GCNT2: variants seen among roughly 807,000 people sequenced by gnomAD.
GCNT2 encodes glucosaminyl (N-acetyl) transferase 2 (I blood group).
A neutral mutation model predicts 34.2 loss-of-function variants in GCNT2; 34 were observed. The observed-to-expected ratio is 1.00, with a 90% CI of 0.76 to 1.32. The LOEUF (loss-of-function observed/expected upper bound fraction) is 1.32. GCNT2 is among the 40% of genes most tolerant of loss of function. GCNT2 has a pLI of 0.00. For missense variants in GCNT2, 584 were observed against 489.4 expected (o/e 1.19, Z -1.82); for synonymous variants, 212 against 188.0 (o/e 1.13, Z -1.04).
chr6:10,597,360 G>A (rs1010438030), intron 3 of GCNT2, among the ~76,000 whole-genome samples: 3 of 151,642 alleles, frequency 2.0e-5, no homozygotes, highest in South Asian at 2.1e-4. Context: ...TTGCCATGTT[G>A]CCCAGGCTGG....
chr6:10,550,552 A>AC (rs946502402), intron 3 of GCNT2, among the ~76,000 whole-genome samples: 2 of 152,120 alleles, frequency 1.3e-5, no homozygotes, highest in Admixed American at 1.3e-4. Flanking sequence ...GTGCAGTGGC[A>AC]CCATCATGGC....
At chr6:10,565,587 A>G (rs899071468) in intron 3 of GCNT2, among the ~76,000 whole-genome samples, 3 of 152,140 alleles carry the variant, frequency 2.0e-5, no homozygotes, top group East Asian at 1.9e-4. Flanking sequence ...ATCTCCAGCA[A>G]GGCTTTGTTT....
chr6:10,562,372 G>A (rs1350511092), intron 3 of GCNT2, among the ~76,000 whole-genome samples: 1 of 152,084 alleles, frequency 6.6e-6, no homozygotes, highest in Non-Finnish European at 1.5e-5. Flanking sequence ...TTTTTCCTGA[G>A]AGTTCCAGCG....
Position 10,623,481 on chromosome 6 carries a change from G to A in GCNT2, c.1018+2038G>A, listed in dbSNP as rs904385776. Among the ~76,000 whole-genome samples, 12 of 151,938 alleles carry A rather than the reference G, an allele frequency of 7.9e-5. No homozygotes were observed. In the South Asian group the frequency reaches 1.9e-3, roughly 24 times the overall value. On this transcript the variant is annotated intron_variant, in intron 4 of 4. Transcript: ENST00000495262. ...TAATTTTTGTATTTTTAGTAGAGACGGGGTTTCACCATGTTGGCCAGACTG... is the reference window on the plus strand; with the variant it reads ...TAATTTTTGTATTTTTAGTAGAGACAGGGTTTCACCATGTTGGCCAGACTG...
rs869274003 is a variant in GCNT2, at chr6:10,533,800, C to CA, written c.925+3990dup. Among the ~76,000 whole-genome samples the CA allele has an allele frequency of 8.8e-3, 380 of 43,330 alleles. 22 individuals are homozygous for CA. The highest frequency in any genetic ancestry group is 0.028 in the Admixed American group (86 of 3,058). The allele number at this position is 43,330 out of a possible 152,430, so 28.4% of individuals were successfully genotyped here. A position where few individuals can be genotyped will look rare whatever the true frequency, so the allele number is the denominator to read the frequency against. The stretch of plus-strand genomic sequence containing the variant: ...TGGGTGACAGAGCAAGACTCTGTCT[C>CA]AAAAAAAAAAAAAAAAAAAAAAAAA... On this transcript the variant is annotated intron_variant, in intron 3 of 4. Transcript: ENST00000495262.
intron 3 of GCNT2, among the ~76,000 whole-genome samples, chr6:10,593,870 A>G (rs1490755551): frequency 6.6e-6 from 1 of 152,216 alleles, no homozygotes; most frequent in African/African-American, 2.4e-5. Context: ...TTGAGCCCAC[A>G]TGCTATCAGG....
chr6:10,589,306 GGTGT>G (rs892827349), intron 3 of GCNT2, among the ~76,000 whole-genome samples: 1 of 148,048 alleles, frequency 6.8e-6, no homozygotes, highest in African/African-American at 2.5e-5. Context: ...TGTAGTGTGT[GGTGT>G]GTTTGTAGTG....
chr6:10,593,772 C>G (rs1277717471), intron 3 of GCNT2, among the ~76,000 whole-genome samples: 1 of 152,090 alleles, frequency 6.6e-6, no homozygotes, highest in East Asian at 1.9e-4. Context: ...AATATATACT[C>G]GACGTCTAAA....
In GCNT2 at chr6:10,614,993, G is replaced by A. The variant is rs985262629; in HGVS notation, c.926-6358G>A. 2.6e-5 allele frequency among the ~76,000 whole-genome samples: 4 copies of A among 152,196 alleles called. No individual in the cohort carries two copies. The East Asian group carries it at 5.8e-4, about 22-fold the overall frequency. On this transcript the variant is annotated intron_variant, in intron 3 of 4. Transcript: ENST00000495262. ...TTCAAGGAGGTGATGTGAGAGATCC[G>A]TTAAAATGCATATATTCCTAGCAGT...
intron 3 of GCNT2, among the ~76,000 whole-genome samples, chr6:10,548,359 A>G (rs566176589): frequency 1.2e-4 from 18 of 152,362 alleles, no homozygotes; most frequent in African/African-American, 4.3e-4. Flanking sequence ...AAAGGGCACC[A>G]CAAAAGGCTG....
At chr6:10,617,133 G>A (rs374564085) in intron 3 of GCNT2, among the ~76,000 whole-genome samples, 1 of 152,302 alleles carries the variant, frequency 6.6e-6, no homozygotes, top group South Asian at 2.1e-4. Flanking sequence ...GGGAGGCTCT[G>A]GCCGCGCAGG....
chr6:10,533,804 AAAAAAAAAAAAAAAAAAAAAAAGAATG>A (rs1761621869), intron 3 of GCNT2, among the ~76,000 whole-genome samples: 1 of 73,230 alleles, frequency 1.4e-5, no homozygotes, highest in Admixed American at 1.3e-4. Context: ...CTGTCTCAAA[AAAAAAAAAAAAAAAAAAAAAAAGAATG>A]TATTTTATTT....
Position 10,626,459 on chromosome 6 carries a change from T to G in GCNT2, c.1061T>G (p.Leu354Ter). Residue 354 changes from leucine (L) to a stop codon, truncating the protein, a stop_gained, in exon 5 of 5, where the codon TTA becomes TGA. Coordinates refer to ENST00000495262, the MANE Select transcript of GCNT2 (RefSeq NM_145649.5). LOFTEE classifies it high-confidence loss of function. Reference protein sequence around the residue: ...HGICIYGNGDLKWLVNSPSLF... With the variant: ...HGICIYGNGD ...ATTTGTATCTATGGAAACGGAGACT[T>G]AAAGTGGCTGGTTAATTCACCAAGC... 3.7e-6 allele frequency: 6 copies of G among 1,613,740 alleles called. No homozygotes were observed. Among genetic ancestry groups the G allele is most frequent in the Non-Finnish European group, 4.2e-6 (5 of 1,179,600 alleles).
chr6:10,569,465 G>A (rs1763439192), intron 3 of GCNT2, among the ~76,000 whole-genome samples: 1 of 152,050 alleles, frequency 6.6e-6, no homozygotes, highest in Non-Finnish European at 1.5e-5. Flanking sequence ...GGGATTATAA[G>A]CATGAGCCAC....
intron 3 of GCNT2, among the ~76,000 whole-genome samples, chr6:10,594,153 G>T (rs923333845): frequency 6.6e-6 from 1 of 152,198 alleles, no homozygotes; most frequent in Non-Finnish European, 1.5e-5. Context: ...TGATTCAGCA[G>T]GTCTGGAGCA....
chr6:10,556,446 T>G, intron 3 of GCNT2: 1 of 1,614,100 alleles, frequency 6.2e-7, no homozygotes. Context: ...ATGCGTTACC[T>G]CTTCATAATT....
chr6:10,526,801 C>T (rs1426501161), intron 1 of GCNT2, among the ~76,000 whole-genome samples: 1 of 152,060 alleles, frequency 6.6e-6, no homozygotes, highest in Non-Finnish European at 1.5e-5. Context: ...AAACTATCTA[C>T]GATATTATGT....
At chr6:10,608,598 G>A (rs569016902) in intron 3 of GCNT2, among the ~76,000 whole-genome samples, 2 of 152,288 alleles carry the variant, frequency 1.3e-5, no homozygotes, top group South Asian at 4.1e-4. Context: ...ACTCAGGAGG[G>A]TGACATGGGA....
Position 10,603,130 on chromosome 6 carries a change from AG to A in GCNT2, c.926-18220del, listed in dbSNP as rs1201627449. ...GAATCCAATAAAACTTAAGTCCTAAAGAGGCAGTTTTTGAACTCAAAAACCC... is the reference window on the plus strand; with the variant it reads ...GAATCCAATAAAACTTAAGTCCTAAAAGGCAGTTTTTGAACTCAAAAACCC... On this transcript the variant is annotated intron_variant, in intron 3 of 4. Transcript: ENST00000495262. Among the ~76,000 whole-genome samples, 3 of 152,334 alleles carry A rather than the reference AG, an allele frequency of 2.0e-5. No homozygotes were observed. In the East Asian group the frequency reaches 5.8e-4, roughly 29 times the overall value.
Sources: allele counts gnomAD v4.1 joint callset (sites outside exome capture counted in the v4.1 genomes callset), GRCh38; gene constraint gnomAD v4.1.1; transcripts MANE v1.5; gene names NCBI Gene and HGNC (gene_info 2026-07-23, HGNC 2026-07-21).